FMNL3: variants seen among roughly 807,000 people sequenced by gnomAD.
The protein encoded by FMNL3 is formin-like protein 3.
FMNL3 carries 57 observed loss-of-function variants against 119.6 expected under a neutral mutation model. The ratio of observed to expected loss-of-function variants is 0.48; its 90% CI spans 0.39 to 0.59. The LOEUF (loss-of-function observed/expected upper bound fraction) is 0.59, where lower values mean the gene tolerates loss of function less well. Among genes scored for constraint, FMNL3 ranks in the 20% least tolerant of loss-of-function variants. The probability of loss-of-function intolerance (pLI) is 0.00; values close to 1 mark genes in which losing one functional copy is unlikely to be tolerated. For missense variants in FMNL3, 1,053 were observed against 1,323.5 expected (o/e 0.80, Z 3.17); for synonymous variants, 491 against 507.3 (o/e 0.97, Z 0.43).
intron 12 of FMNL3, 152 bp from the exon 13 acceptor site, chr12:49,653,479 A>C (rs1943471902): frequency 2.2e-6 from 2 of 898,566 alleles, no homozygotes; most frequent in South Asian, 3.0e-5. Context: ...AATAACAGAT[A>C]CAAGACAAAG....
Position 49,644,275 on chromosome 12 carries a change from T to G in FMNL3, c.*1540A>C. The G allele has an allele frequency of 6.8e-7, 1 of 1,474,466 alleles. No individual in the cohort carries two copies. The allele number at this position is 1,474,466 out of a possible 1,614,324, so 91.3% of individuals were successfully genotyped here. ...TCACCGTCTGCCTCAGACTTCTTCC[T>G]TAGTCTGGTCTGTGTCCACTTTTTC... On this transcript the variant is annotated 3_prime_UTR_variant, in exon 26 of 26. Coordinates refer to ENST00000335154, the MANE Select transcript of FMNL3 (RefSeq NM_175736.5).
At chr12:49,693,640 T>G (rs1459305708) in intron 1 of FMNL3, among the ~76,000 whole-genome samples, 1 of 116,608 alleles carries the variant, frequency 8.6e-6, no homozygotes, top group South Asian at 3.1e-4. Context: ...ATCTTGGTTT[T>G]TTTTTTTTTT....
chr12:49,696,562 T>G (rs1944756465), intron 1 of FMNL3, among the ~76,000 whole-genome samples: 1 of 152,226 alleles, frequency 6.6e-6, no homozygotes, highest in Non-Finnish European at 1.5e-5. Context: ...ACATGCACAA[T>G]TTTTTCAAAT....
chr12:49,646,577 G>A, intron 25 of FMNL3: 1 of 1,292,820 alleles, frequency 7.7e-7, no homozygotes, highest in South Asian at 1.5e-5. Context: ...AGGTGCCTGT[G>A]GTCTCCCAGC....
Position 49,636,651 on chromosome 12 carries a change from G to A in FMNL3, c.*9164C>T. 1 of 1,602,156 alleles carries A rather than the reference G, an allele frequency of 6.2e-7. No individual in the cohort carries two copies. Among genetic ancestry groups the A allele is most frequent in the Non-Finnish European group, 8.5e-7 (1 of 1,170,934 alleles). The stretch of plus-strand genomic sequence containing the variant: ...AGGACAGCATCGTTGAAACATTAGG[G>A]GTGCTGGGGTCTGAGAGGGTATCCT... On this transcript the variant is annotated 3_prime_UTR_variant, in exon 26 of 26. Coordinates refer to ENST00000335154, the MANE Select transcript of FMNL3 (RefSeq NM_175736.5).
Position 49,649,165 on chromosome 12 carries a change from G to A in FMNL3, c.2386-7C>T. The A allele has an allele frequency of 6.2e-7, 1 of 1,612,352 alleles. No homozygotes were observed. Among genetic ancestry groups the A allele is most frequent in the Non-Finnish European group, 8.5e-7 (1 of 1,179,076 alleles). On this transcript the variant is annotated splice_region_variant and splice_polypyrimidine_tract_variant and intron_variant, in intron 20 of 25. Coordinates refer to ENST00000335154, the MANE Select transcript of FMNL3 (RefSeq NM_175736.5). The surrounding 1 kb of genome is among the most constrained non-coding windows in gnomAD (Gnocchi z 5.6). The stretch of plus-strand genomic sequence containing the variant: ...TGGACTTGGTATCCAGCAGCTAGGA[G>A]AGGGGGTGAGGGCGGTGCACAAGAG...
rs1943241052 is a variant in FMNL3, at chr12:49,647,446, G to T, written c.2779-78C>A. On this transcript the variant is annotated intron_variant, in intron 23 of 25. Transcript: ENST00000335154. The surrounding 1 kb of genome is among the most constrained non-coding windows in gnomAD (Gnocchi z 4.9). ...GGAGGGGCTGACACTGAGGTGGAGA[G>T]TGGGTGGCAGTGGGACCCGCTAACT... 6.9e-7 allele frequency: 1 copy of T among 1,452,984 alleles called. No individual in the cohort carries two copies. The highest frequency in any genetic ancestry group is 1.1e-5 in the South Asian group (1 of 88,106). The allele number at this position is 1,452,984 out of a possible 1,614,324, so 90.0% of individuals were successfully genotyped here.
At position 49,641,959 on chromosome 12, in the gene FMNL3, G is replaced by C; in HGVS notation, c.*3856C>G. 2 of 1,613,874 alleles carry C rather than the reference G, an allele frequency of 1.2e-6. No individual in the cohort carries two copies. The highest frequency in any genetic ancestry group is 8.5e-7 in the Non-Finnish European group (1 of 1,180,042). Reference sequence around the variant, plus strand: ...CACGGCCTTTGAGGACTTCGCCCACGTCATAAGCTTTGACAAGAGGGCTGC... The same window carrying C: ...CACGGCCTTTGAGGACTTCGCCCACCTCATAAGCTTTGACAAGAGGGCTGC... On this transcript the variant is annotated 3_prime_UTR_variant, in exon 26 of 26. Transcript: ENST00000335154.
chr12:49,641,947 G>A lies in FMNL3; in HGVS notation c.*3868C>T. On this transcript the variant is annotated 3_prime_UTR_variant, in exon 26 of 26. Coordinates refer to ENST00000335154, the MANE Select transcript of FMNL3 (RefSeq NM_175736.5). ...CGTGGAGGTGAACACGGCCTTTGAG[G>A]ACTTCGCCCACGTCATAAGCTTTGA... The A allele has an allele frequency of 6.2e-7, 1 of 1,613,888 alleles. No individual in the cohort carries two copies. The highest frequency in any genetic ancestry group is 8.5e-7 in the Non-Finnish European group (1 of 1,180,052).
intron 1 of FMNL3, among the ~76,000 whole-genome samples, chr12:49,671,043 G>A (rs983390735): frequency 6.6e-5 from 10 of 152,208 alleles, no homozygotes; most frequent in African/African-American, 2.2e-4. Context: ...GTCTCCCCTG[G>A]AAGAAAGCTG....
chr12:49,702,927 C>T (rs1944948674), intron 1 of FMNL3, among the ~76,000 whole-genome samples: 1 of 152,152 alleles, frequency 6.6e-6, no homozygotes, highest in Non-Finnish European at 1.5e-5. Context: ...CAAAGGAGGC[C>T]CCTCAAAGCC....
At chr12:49,678,213 A>G (rs1944244800) in intron 1 of FMNL3, among the ~76,000 whole-genome samples, 1 of 150,986 alleles carries the variant, frequency 6.6e-6, no homozygotes, top group Non-Finnish European at 1.5e-5. Context: ...GCTGGAGTGC[A>G]GTGGTGTGAT....
chr12:49,636,729 A>G lies in FMNL3; in HGVS notation c.*9086T>C. ...GCCTGTCTTTAGACATGGACAAGGA[A>G]GATGCACTGATCTGTTTTGAGGAGC... On this transcript the variant is annotated 3_prime_UTR_variant, in exon 26 of 26. Transcript: ENST00000335154. The G allele has an allele frequency of 6.2e-7, 1 of 1,614,182 alleles. No individual in the cohort carries two copies.
chr12:49,675,304 C>T (rs919423081), intron 1 of FMNL3, among the ~76,000 whole-genome samples: 33 of 152,224 alleles, frequency 2.2e-4, no homozygotes, highest in African/African-American at 7.2e-4. Flanking sequence ...ATTGGCTCCT[C>T]GGCCCCTCCT....
chr12:49,636,915 TC>T lies in FMNL3; in HGVS notation c.*8899del. 6.2e-7 allele frequency: 1 copy of T among 1,605,008 alleles called. No homozygotes were observed. Among genetic ancestry groups the T allele is most frequent in the African/African-American group, 1.3e-5 (1 of 74,848 alleles). On this transcript the variant is annotated 3_prime_UTR_variant, in exon 26 of 26. Transcript: ENST00000335154. ...CCTAGAGCACAACCTCTTCACCCATTCCCTGCCCCCTTCTGGATACGCTGCC... is the reference window on the plus strand; with the variant it reads ...CCTAGAGCACAACCTCTTCACCCATTCCTGCCCCCTTCTGGATACGCTGCC...
intron 1 of FMNL3, among the ~76,000 whole-genome samples, chr12:49,674,341 G>A (rs1424912118): frequency 1.3e-5 from 2 of 152,222 alleles, no homozygotes; most frequent in African/African-American, 4.8e-5. Context: ...TGCCTCGATA[G>A]AGTAGGGGCA....
chr12:49,687,295 T>C (rs1944491380), intron 1 of FMNL3, among the ~76,000 whole-genome samples: 2 of 127,402 alleles, frequency 1.6e-5, no homozygotes, highest in Admixed American at 7.4e-5. Context: ...GGTTTCACCA[T>C]GTTGGCCAGG....
At position 49,668,399 on chromosome 12, in the gene FMNL3, C is replaced by T. The variant is rs75378222; in HGVS notation, c.210+72G>A. ...AAGGAACCCAAGGCTGCACTCAATG[C>T]CTTTGGCCCCACAGCCTTAGCCAGC... On this transcript the variant is annotated intron_variant, in intron 2 of 25. Transcript: ENST00000335154. 6,663 of 1,440,954 alleles carry T rather than the reference C, an allele frequency of 4.6e-3. 268 individuals carry two copies. The African/African-American group carries it at 0.083, about 18-fold the overall frequency. 89.3% of individuals were successfully genotyped at this position (1,440,954 alleles called of 1,614,324 possible).
rs1943490411 is a variant in FMNL3, at chr12:49,654,016, C to T, written c.1072-142G>A. The T allele has an allele frequency of 5.3e-6, 7 of 1,309,720 alleles. 1 individual carries two copies. In the South Asian group the frequency reaches 7.3e-5, roughly 14 times the overall value. 81.1% of individuals were successfully genotyped at this position (1,309,720 alleles called of 1,614,324 possible). ...CTGCAGGCCATGTCAGATTCTCGCC[C>T]CCATGGAGCTGCCTGACTGGGGAGT... On this transcript the variant is annotated intron_variant, in intron 11 of 25. Transcript: ENST00000335154.
Sources: allele counts gnomAD v4.1 joint callset (sites outside exome capture counted in the v4.1 genomes callset), GRCh38; gene constraint gnomAD v4.1.1; non-coding constraint Gnocchi (gnomAD v3.1); transcripts MANE v1.5; gene names NCBI Gene and HGNC (gene_info 2026-07-23, HGNC 2026-07-21).